The following RBMS1 variants were observed in gnomAD, a reference collection of about 807,000 sequenced individuals.
RBMS1 encodes RNA binding motif single stranded interacting protein 1.
A neutral mutation model predicts 62.3 loss-of-function variants in RBMS1; 17 were observed. That is an observed-to-expected ratio of 0.27 (90% confidence interval 0.19 to 0.41). The LOEUF (loss-of-function observed/expected upper bound fraction) is 0.41. Among genes scored for constraint, RBMS1 ranks in the 10% least tolerant of loss-of-function variants. RBMS1 has a pLI of 1.00. For missense variants in RBMS1, 334 were observed against 504.5 expected, an observed-to-expected ratio of 0.66 and a Z score of 3.24; for synonymous variants, 172 against 170.0, an observed-to-expected ratio of 1.01 and a Z score of -0.09.
intron 1 of RBMS1, among the ~76,000 whole-genome samples, chr2:160,385,236 T>C (rs898127505): frequency 1.3e-5 from 2 of 152,122 alleles, no homozygotes; most frequent in Admixed American, 1.3e-4. Context: ...TTTCCTGATA[T>C]CCAGGAGGGC....
intron 1 of RBMS1, among the ~76,000 whole-genome samples, chr2:160,375,904 A>G (rs1693972446): frequency 6.6e-6 from 1 of 151,832 alleles, no homozygotes; most frequent in Non-Finnish European, 1.5e-5. Flanking sequence ...TGGAAAAAAA[A>G]AAAAAAAGAA....
intron 6 of RBMS1, among the ~76,000 whole-genome samples, chr2:160,297,905 G>GCCATTC (rs1180199223): frequency 6.6e-6 from 1 of 152,222 alleles, no homozygotes; most frequent in Non-Finnish European, 1.5e-5. Context: ...GGCTTTCCAT[G>GCCATTC]CCATTCCAGG....
chr2:160,385,758 C>T (rs2105198763), intron 1 of RBMS1, among the ~76,000 whole-genome samples: 2 of 152,312 alleles, frequency 1.3e-5, no homozygotes, highest in Admixed American at 1.3e-4. Flanking sequence ...GAAGAGAATG[C>T]AAAAGATCAT....
At chr2:160,314,750 T>C (rs780759945) in intron 3 of RBMS1, among the ~76,000 whole-genome samples, 3 of 152,150 alleles carry the variant, frequency 2.0e-5, no homozygotes, top group African/African-American at 2.4e-5. Context: ...AGTAGAGAAA[T>C]AGCCAGGCTG....
intron 2 of RBMS1, among the ~76,000 whole-genome samples, chr2:160,356,437 G>GATGAGGAAGCAAGGGTGCTC (rs1251472052): frequency 1.3e-5 from 2 of 152,056 alleles, no homozygotes; most frequent in African/African-American, 4.8e-5. Flanking sequence ...TTGTGGTGCT[G>GATGAGGAAGCAAGGGTGCTC]ATGAGGAAGC....
intron 1 of RBMS1, among the ~76,000 whole-genome samples, chr2:160,429,360 T>C (rs900290601): frequency 6.6e-6 from 1 of 152,206 alleles, no homozygotes; most frequent in African/African-American, 2.4e-5. Flanking sequence ...CAGGTCATTT[T>C]TGAAACTATG....
intron 1 of RBMS1, among the ~76,000 whole-genome samples, chr2:160,434,510 G>A (rs1683035587): frequency 6.6e-6 from 1 of 151,632 alleles, no homozygotes; most frequent in African/African-American, 2.4e-5. Flanking sequence ...AAACAGCAAC[G>A]CACAGGTTAG....
At position 160,278,488 on chromosome 2, in the gene RBMS1, G is replaced by A. The variant is rs528572780; in HGVS notation, c.1062+60C>T. 4.5e-6 allele frequency: 6 copies of A among 1,331,576 alleles called. No individual in the cohort carries two copies. The South Asian group carries it at 4.9e-5, about 11-fold the overall frequency. The allele number at this position is 1,331,576 out of a possible 1,614,324, so 82.5% of individuals were successfully genotyped here. ...GCTGTCATTTGATAGGGAAGATACA[G>A]GCTGCATTAATTTACCCTCCTCTGT... On this transcript the variant is annotated intron_variant, in intron 11 of 13. Coordinates refer to ENST00000348849, the MANE Select transcript of RBMS1 (RefSeq NM_016836.4).
At chr2:160,317,214 C>T (rs1690273433) in intron 3 of RBMS1, among the ~76,000 whole-genome samples, 1 of 152,142 alleles carries the variant, frequency 6.6e-6, no homozygotes, top group South Asian at 2.1e-4. Context: ...AAAGGAAATG[C>T]TTGGCTTATA....
intron 1 of RBMS1, among the ~76,000 whole-genome samples, chr2:160,447,911 T>A (rs976695716): frequency 2.0e-5 from 3 of 152,144 alleles, no homozygotes; most frequent in African/African-American, 7.2e-5. Context: ...CTGATCTGAG[T>A]CTTACTCATC....
intron 4 of RBMS1, among the ~76,000 whole-genome samples, chr2:160,310,876 T>C (rs1391862085): frequency 6.6e-6 from 1 of 152,092 alleles, no homozygotes; most frequent in Non-Finnish European, 1.5e-5. Flanking sequence ...CTCTACGCGA[T>C]GGACAAATAA....
intron 1 of RBMS1, among the ~76,000 whole-genome samples, chr2:160,403,925 A>C (rs998614618): frequency 3.3e-5 from 5 of 152,054 alleles, no homozygotes; most frequent in Non-Finnish European, 7.3e-5. Flanking sequence ...GAAAATACCA[A>C]TTTTCTATAT....
At chr2:160,306,276 T>C (rs1350152064) in intron 4 of RBMS1, among the ~76,000 whole-genome samples, 1 of 152,146 alleles carries the variant, frequency 6.6e-6, no homozygotes, top group African/African-American at 2.4e-5. Context: ...ATCTGTGTTT[T>C]AGTTGCTTCT....
At chr2:160,438,863 G>A (rs1430835847) in intron 1 of RBMS1, among the ~76,000 whole-genome samples, 9 of 151,690 alleles carry the variant, frequency 5.9e-5, no homozygotes, top group African/African-American at 2.2e-4. Context: ...TCACCTCCCG[G>A]ACAGGGCGGC....
intron 1 of RBMS1, among the ~76,000 whole-genome samples, chr2:160,484,302 T>C (rs1050002331): frequency 8.6e-5 from 13 of 151,624 alleles, no homozygotes; most frequent in Admixed American, 5.9e-4. Flanking sequence ...GAGACCATCC[T>C]GGCTAACACG....
chr2:160,364,524 T>A (rs946951242), intron 2 of RBMS1, among the ~76,000 whole-genome samples: 1 of 152,184 alleles, frequency 6.6e-6, no homozygotes, highest in African/African-American at 2.4e-5. Context: ...GCCAGGGTGA[T>A]CTACACTTTC....
chr2:160,367,906 C>T (rs944709371), intron 1 of RBMS1, among the ~76,000 whole-genome samples: 5 of 152,166 alleles, frequency 3.3e-5, no homozygotes, highest in Non-Finnish European at 5.9e-5. Context: ...GACAGGCACA[C>T]GACTTCATTG....
At position 160,493,414 on chromosome 2, in the gene RBMS1, C is replaced by CA; in HGVS notation, c.-52dup. The CA allele has an allele frequency of 1.3e-6, 2 of 1,576,388 alleles. No individual in the cohort carries two copies. Among genetic ancestry groups the CA allele is most frequent in the Non-Finnish European group, 1.7e-6 (2 of 1,147,172 alleles). ...AGGGTCGCGGACACTTTGGGGTTTC[C>CA]AAGTCTCGGGCTCTCCTGCCTCTCC... On this transcript the variant is annotated 5_prime_UTR_variant, in exon 1 of 14. Transcript: ENST00000348849.
chr2:160,313,344 AG>A, intron 3 of RBMS1, 97 bp from the exon 4 acceptor site: 1 of 1,195,022 alleles, frequency 8.4e-7, no homozygotes, highest in Non-Finnish European at 1.2e-6. Context: ...TGTGGGCAAG[AG>A]ACATGAAAAT....
Sources: gnomAD v4.1 joint callset for allele counts (sites outside exome capture counted in the v4.1 genomes callset) on GRCh38, gnomAD v4.1.1 for gene constraint, MANE v1.5 for transcripts, NCBI Gene and HGNC (gene_info 2026-07-23, HGNC 2026-07-21) for gene names.